FLRT2: variants seen among roughly 807,000 people sequenced by gnomAD.
FLRT2 encodes the protein fibronectin leucine rich transmembrane protein 2, also known as leucine-rich repeat transmembrane protein FLRT2.
Under a neutral mutation model 40.0 loss-of-function variants are expected in FLRT2, and 15 were observed. The observed-to-expected ratio is 0.38, with a 90% CI of 0.25 to 0.58. FLRT2 has a LOEUF of 0.58. FLRT2 is among the 20% of genes least tolerant of loss of function. The pLI, the probability that FLRT2 is intolerant of heterozygous loss-of-function variation, is 0.71. For synonymous variants in FLRT2, 380 were observed against 336.8 expected, an observed-to-expected ratio of 1.13 and a Z score of -1.41; for missense variants, 726 against 840.0, an observed-to-expected ratio of 0.86 and a Z score of 1.68.
intron 1 of FLRT2, among the ~76,000 whole-genome samples, chr14:85,532,644 TG>T (rs1566711355): frequency 6.6e-6 from 1 of 152,162 alleles, no homozygotes; most frequent in South Asian, 2.1e-4. Flanking sequence ...AGGAAGAAAG[TG>T]GGGGTGTTTA....
intron 1 of FLRT2, among the ~76,000 whole-genome samples, chr14:85,587,850 C>T (rs1325003627): frequency 1.3e-5 from 2 of 152,086 alleles, no homozygotes; most frequent in Non-Finnish European, 2.9e-5. Flanking sequence ...GTCTAATCAC[C>T]TGGTTAGTAA....
intron 1 of FLRT2, among the ~76,000 whole-genome samples, chr14:85,534,649 T>C (rs946742842): frequency 6.6e-6 from 1 of 151,762 alleles, no homozygotes; most frequent in African/African-American, 2.4e-5. Context: ...GTTAGTGGTG[T>C]TGCAGAGAGG....
rs893217416 is a variant in FLRT2 at position 85,652,784 on chromosome 14, G to T, written c.*29287G>T. The T allele has an allele frequency of 2.0e-5, 3 of 151,932 alleles. No homozygotes were observed. Among genetic ancestry groups the T allele is most frequent in the Non-Finnish European group, 4.4e-5 (3 of 67,968 alleles). The allele number at this position is 151,932 out of a possible 1,614,324, so 9.4% of individuals were successfully genotyped here. A position where few individuals can be genotyped will look rare whatever the true frequency, so the allele number is the denominator to read the frequency against. On this transcript the variant is annotated 3_prime_UTR_variant, in exon 2 of 2. Coordinates refer to ENST00000330753, the MANE Select transcript of FLRT2 (RefSeq NM_013231.6). ...TTATAAGAATCCAGAAATTATCAAT[G>T]AGTTTTCTTTTTCTATTATTTAAAA...
Position 85,623,541 on chromosome 14 carries a change from G to C in FLRT2, c.*44G>C. The C allele has an allele frequency of 7.2e-7, 1 of 1,385,680 alleles. No individual in the cohort carries two copies. Among genetic ancestry groups the C allele is most frequent in the Non-Finnish European group, 9.4e-7 (1 of 1,059,926 alleles). 85.8% of individuals were successfully genotyped at this position (1,385,680 alleles called of 1,614,324 possible). ...TATCAAGGCGGACAATTAGACTCTT[G>C]AGAACACACTCGTGTGTGCACATAA... On this transcript the variant is annotated 3_prime_UTR_variant, in exon 2 of 2. Transcript: ENST00000330753.
chr14:85,557,723 A>T (rs1016102406), intron 1 of FLRT2, among the ~76,000 whole-genome samples: 6 of 152,306 alleles, frequency 3.9e-5, no homozygotes, highest in Non-Finnish European at 7.3e-5. Context: ...AGGCTGAGAC[A>T]GGAGAATTGC....
chr14:85,641,558 T>C lies in FLRT2; in HGVS notation c.*18061T>C, dbSNP rs878890812. The C allele has an allele frequency of 1.3e-5, 2 of 152,250 alleles. No homozygotes were observed. Among genetic ancestry groups the C allele is most frequent in the Non-Finnish European group, 2.9e-5 (2 of 68,056 alleles). The allele number at this position is 152,250 out of a possible 1,614,324, so 9.4% of individuals were successfully genotyped here. A position where few individuals can be genotyped will look rare whatever the true frequency, so the allele number is the denominator to read the frequency against. On this transcript the variant is annotated 3_prime_UTR_variant, in exon 2 of 2. Transcript: ENST00000330753. ...GGATAAGGACTACAGTAGTACGTCCTTGGACGCAACAGTTTAAGAGGTAGT... is the reference window on the plus strand; with the variant it reads ...GGATAAGGACTACAGTAGTACGTCCCTGGACGCAACAGTTTAAGAGGTAGT...
At chr14:85,567,106 G>C (rs751561273) in intron 1 of FLRT2, among the ~76,000 whole-genome samples, 1 of 152,124 alleles carries the variant, frequency 6.6e-6, no homozygotes, top group Non-Finnish European at 1.5e-5. Flanking sequence ...TTATCAGAGG[G>C]GCTGGGTTTG....
In FLRT2 at chr14:85,621,484, C is replaced by A. The variant is rs188407245; in HGVS notation, c.-31C>A. ...TTTTTTTTTCTTTTTCTTTTTCCCA[C>A]CACATTGTATTTTATTTCCGTACTT... On this transcript the variant is annotated 5_prime_UTR_variant, in exon 2 of 2. Coordinates refer to ENST00000330753, the MANE Select transcript of FLRT2 (RefSeq NM_013231.6). 1,206 of 1,540,076 alleles carry A rather than the reference C, an allele frequency of 7.8e-4. No individual in the cohort carries two copies. The highest frequency in any genetic ancestry group is 9.7e-4 in the Non-Finnish European group (1,105 of 1,143,980).
intron 1 of FLRT2, among the ~76,000 whole-genome samples, chr14:85,593,584 C>T (rs1892001670): frequency 6.6e-6 from 1 of 152,182 alleles, no homozygotes; most frequent in Non-Finnish European, 1.5e-5. Flanking sequence ...TAAAGTCTAT[C>T]TCAGAGCCAA....
At chr14:85,599,709 G>A (rs1029273574) in intron 1 of FLRT2, among the ~76,000 whole-genome samples, 12 of 151,580 alleles carry the variant, frequency 7.9e-5, no homozygotes, top group Admixed American at 5.3e-4. Context: ...TCCTCCCCCC[G>A]TCTTTCCTTC....
intron 1 of FLRT2, among the ~76,000 whole-genome samples, chr14:85,616,070 T>G (rs980050063): frequency 6.6e-6 from 1 of 152,182 alleles, no homozygotes; most frequent in Non-Finnish European, 1.5e-5. Flanking sequence ...TAAAGTAGCC[T>G]GGAATAGCTG....
Position 85,648,689 on chromosome 14 carries a change from A to G in FLRT2, c.*25192A>G, listed in dbSNP as rs1420792609. 1.3e-5 allele frequency: 2 copies of G among 152,022 alleles called. No homozygotes were observed. The highest frequency in any genetic ancestry group is 2.9e-5 in the Non-Finnish European group (2 of 68,010). The allele number at this position is 152,022 out of a possible 1,614,324, so 9.4% of individuals were successfully genotyped here. On this transcript the variant is annotated 3_prime_UTR_variant, in exon 2 of 2. Transcript: ENST00000330753. ...TACCTAGGTAGGTTTTATTTCCTAA[A>G]CTGGACCTCTTACCAAACACAGATG...
At chr14:85,545,242 C>T (rs573720614) in intron 1 of FLRT2, among the ~76,000 whole-genome samples, 15 of 152,198 alleles carry the variant, frequency 9.9e-5, no homozygotes, top group African/African-American at 3.4e-4. Flanking sequence ...TGATATTGAT[C>T]GTAAGGTTTA....
intron 1 of FLRT2, chr14:85,552,888 C>T (rs1229815671): frequency 6.6e-6 from 1 of 152,116 alleles, no homozygotes; most frequent in African/African-American, 2.4e-5. Context: ...GCTTCTGCCA[C>T]TGTGTTGTCT....
At chr14:85,558,555 A>G (rs1018812747) in intron 1 of FLRT2, among the ~76,000 whole-genome samples, 1 of 152,206 alleles carries the variant, frequency 6.6e-6, no homozygotes, top group African/African-American at 2.4e-5. Flanking sequence ...ATTGAAATGC[A>G]GTTTCAAAGG....
At position 85,587,787 on chromosome 14, in the gene FLRT2, C is replaced by A. The variant is rs545627071; in HGVS notation, c.-376-33352C>A. ...TTAATATGAGAATATTTTTTAACAT[C>A]CTCTTTTAGCATAAATTTCTCATGA... On this transcript the variant is annotated intron_variant, in intron 1 of 1. Transcript: ENST00000330753. Among the ~76,000 whole-genome samples the A allele has an allele frequency of 3.3e-5, 5 of 152,176 alleles. No individual in the cohort carries two copies. The South Asian group carries it at 6.2e-4, about 19-fold the overall frequency.
intron 1 of FLRT2, among the ~76,000 whole-genome samples, chr14:85,530,763 G>A (rs908518720): frequency 1.1e-4 from 17 of 152,022 alleles, no homozygotes; most frequent in Non-Finnish European, 1.9e-4. Context: ...CCTCCTCTAC[G>A]GAGCATCATG....
At chr14:85,598,068 A>G (rs1014650262) in intron 1 of FLRT2, among the ~76,000 whole-genome samples, 1 of 152,220 alleles carries the variant, frequency 6.6e-6, no homozygotes, top group Non-Finnish European at 1.5e-5. Flanking sequence ...GTTTCACTCA[A>G]AACTGTCAAT....
At chr14:85,536,815 A>G (rs1405898692) in intron 1 of FLRT2, among the ~76,000 whole-genome samples, 1 of 152,194 alleles carries the variant, frequency 6.6e-6, no homozygotes, top group African/African-American at 2.4e-5. Context: ...TTATGGACTA[A>G]TAGAGAGGCA....
Sources: gnomAD v4.1 joint callset for allele counts (sites outside exome capture counted in the v4.1 genomes callset) on GRCh38, gnomAD v4.1.1 for gene constraint, MANE v1.5 for transcripts, NCBI Gene and HGNC (gene_info 2026-07-23, HGNC 2026-07-21) for gene names.